GPLD1: variants seen among roughly 807,000 people sequenced by gnomAD.
The protein encoded by GPLD1 is glycosylphosphatidylinositol specific phospholipase D1.
In GPLD1, 84 loss-of-function variants were observed where a neutral mutation model predicts 112.6. The ratio of observed to expected loss-of-function variants is 0.75; its 90% CI spans 0.63 to 0.89. GPLD1 has a LOEUF of 0.89. Ranked by LOEUF, GPLD1 falls within the 40% of genes least tolerant of loss-of-function variation. The pLI is 0.00. For missense variants in GPLD1, 1,044 were observed against 1,051.5 expected, an observed-to-expected ratio of 0.99 and a Z score of 0.10; for synonymous variants, 386 against 403.8, an observed-to-expected ratio of 0.96 and a Z score of 0.53.
At chr6:24,429,795 G>A (rs1228299188) in intron 24 of GPLD1, among the ~76,000 whole-genome samples, 3 of 152,154 alleles carry the variant, frequency 2.0e-5, no homozygotes, top group South Asian at 2.1e-4. Context: ...TGATCCACCC[G>A]CCTCGGCTTC....
rs1177091667 is a variant in GPLD1, at chr6:24,495,155, CCT to C, written n.49_50del. ...GCTGCTACGCTGGGCGCCTGGCGGG[CCT>C]CTCTGCGGCGCTGCTGCGCACCGAC... On this transcript the variant is annotated non_coding_transcript_exon_variant, in exon 1 of 11. Transcript: ENST00000474784. 2.1e-6 allele frequency: 3 copies of C among 1,435,062 alleles called. No individual in the cohort carries two copies. Among genetic ancestry groups the C allele is most frequent in the Non-Finnish European group, 2.7e-6 (3 of 1,100,836 alleles). 88.9% of individuals were successfully genotyped at this position (1,435,062 alleles called of 1,614,324 possible). A position where few individuals can be genotyped will look rare whatever the true frequency, so the allele number is the denominator to read the frequency against.
chr6:24,461,474 T>C (rs770496244), intron 11 of GPLD1, among the ~76,000 whole-genome samples: 1 of 152,246 alleles, frequency 6.6e-6, no homozygotes, highest in Non-Finnish European at 1.5e-5. Context: ...TACTCTACTT[T>C]TGAGTATATC....
rs1314139887 is a variant in GPLD1 at position 24,463,510 on chromosome 6, T to G, written c.822-715A>C. ...GAAAAAGCTGAAGGCAGACTCTTCC[T>G]ACCAAAACATTTCTCTGGCCAGGTT... On this transcript the variant is annotated intron_variant, in intron 10 of 24. Coordinates refer to ENST00000230036, the MANE Select transcript of GPLD1 (RefSeq NM_001503.4). Among the ~76,000 whole-genome samples, 4 of 152,320 alleles carry G rather than the reference T, an allele frequency of 2.6e-5. No individual in the cohort carries two copies. In the South Asian group the frequency reaches 6.2e-4, roughly 24 times the overall value.
chr6:24,474,284 TA>T (rs1438297903), intron 5 of GPLD1, among the ~76,000 whole-genome samples: 7 of 152,138 alleles, frequency 4.6e-5, no homozygotes, highest in East Asian at 3.9e-4. Context: ...AGGATATATA[TA>T]AAAATCTCTG....
In GPLD1 at chr6:24,449,797, T is replaced by C. The variant is rs763410187; in HGVS notation, c.1438A>G (p.Thr480Ala). 1.2e-6 allele frequency: 2 copies of C among 1,606,832 alleles called. No individual in the cohort carries two copies. The highest frequency in any genetic ancestry group is 2.2e-5 in the East Asian group (1 of 44,806). The part of the protein sequence containing the change: ...GAPSVGSEQL[T>A]YKGAVYVYFG... ...TCCAGCAGCAGCCTTACTTTGTAGG[T>C]GAGCTGCTCGGAGCCCACCGAGGGA... The change falls in exon 15 of 25, where the codon ACC becomes GCC. Residue 480 changes from threonine to alanine, a missense_variant. By Grantham distance (58) the Thr-to-Ala change is moderately conservative. Transcript: ENST00000230036.
chr6:24,447,827 G>C, intron 17 of GPLD1, 50 bp downstream of exon 17: 1 of 1,575,990 alleles, frequency 6.3e-7, no homozygotes, highest in Middle Eastern at 2.1e-4. Flanking sequence ...ATAAGTTGTC[G>C]TAGACACACA....
In GPLD1 at chr6:24,446,917, C is replaced by CA. The variant is rs1336229435; in HGVS notation, c.1740dup (p.Gly581TrpfsTer37). 6.2e-7 allele frequency: 1 copy of CA among 1,613,956 alleles called. No individual in the cohort carries two copies. Among genetic ancestry groups the CA allele is most frequent in the Non-Finnish European group, 8.5e-7 (1 of 1,179,930 alleles). On this transcript the variant is annotated frameshift_variant, in exon 18 of 25. Coordinates refer to ENST00000230036, the MANE Select transcript of GPLD1 (RefSeq NM_001503.4). LOFTEE classifies it high-confidence loss of function. The stretch of plus-strand genomic sequence containing the variant: ...ACAGTGACACCGTGAAGGGAATATC[C>CA]AAACCAGGAGAAGTCTTCCTCGCCT...
chr6:24,477,886 T>C (rs1344755743), intron 3 of GPLD1, among the ~76,000 whole-genome samples: 2 of 152,012 alleles, frequency 1.3e-5, no homozygotes, highest in Admixed American at 1.3e-4. Flanking sequence ...TGAGACAAGG[T>C]AAAATGTGGA....
At chr6:24,476,109 C>A in intron 4 of GPLD1, 72 bp downstream of exon 4, 1 of 793,508 alleles carries the variant, frequency 1.3e-6, no homozygotes, top group South Asian at 1.5e-5. Context: ...CAAATGGGGT[C>A]AATGCGGGTG....
chr6:24,455,093 G>C (rs1027905084), intron 13 of GPLD1, among the ~76,000 whole-genome samples: 20 of 152,202 alleles, frequency 1.3e-4, no homozygotes, highest in African/African-American at 4.6e-4. Context: ...CAGAACAAAC[G>C]GCAGAACAAA....
Position 24,441,074 on chromosome 6 carries a change from G to A in GPLD1, c.2021-3785C>T, listed in dbSNP as rs141423278. 5.8e-3 allele frequency among the ~76,000 whole-genome samples: 876 copies of A among 152,174 alleles called. 14 individuals are homozygous for A. Among genetic ancestry groups the A allele is most frequent in the African/African-American group, 0.019 (775 of 41,540 alleles). On this transcript the variant is annotated intron_variant, in intron 20 of 24. Transcript: ENST00000230036. ...TCCCAGCACTGTGGGAGGCCGAGGC[G>A]GGCGGATCACCTGACATCGGGAGTT...
chr6:24,486,540 C>G (rs1764382239), intron 1 of GPLD1, among the ~76,000 whole-genome samples: 1 of 152,024 alleles, frequency 6.6e-6, no homozygotes, highest in Non-Finnish European at 1.5e-5. Context: ...TGCCAGACCA[C>G]ACATGGTGGC....
At chr6:24,483,377 T>C (rs377478256) in intron 2 of GPLD1, among the ~76,000 whole-genome samples, 3 of 147,018 alleles carry the variant, frequency 2.0e-5, no homozygotes, top group African/African-American at 7.5e-5. Flanking sequence ...ACCAGTGAAA[T>C]AGAATAAAGA....
chr6:24,495,070 G>A (rs1457708018), exon 1 of GPLD1: 1 of 1,328,546 alleles, frequency 7.5e-7, no homozygotes. Flanking sequence ...TGCCGCCTCC[G>A]CCCCCGCGCC....
At chr6:24,487,397 A>T (rs1764413993) in intron 1 of GPLD1, among the ~76,000 whole-genome samples, 1 of 152,200 alleles carries the variant, frequency 6.6e-6, no homozygotes, top group Admixed American at 6.6e-5. Context: ...CTATTTCAGG[A>T]GATGCCTTCA....
chr6:24,478,045 C>CAATTGGTGATTACTTTACA (rs1420119223), intron 3 of GPLD1, among the ~76,000 whole-genome samples: 1 of 152,166 alleles, frequency 6.6e-6, no homozygotes, highest in Admixed American at 6.5e-5. Context: ...CTTTACATTC[C>CAATTGGTGATTACTTTACA]TTTTCCACTC....
chr6:24,453,088 G>T (rs983316814), intron 14 of GPLD1, among the ~76,000 whole-genome samples: 3 of 152,022 alleles, frequency 2.0e-5, no homozygotes, highest in African/African-American at 4.8e-5. Flanking sequence ...TAGCGCTCTC[G>T]GGAGGAATTA....
intron 24 of GPLD1, among the ~76,000 whole-genome samples, chr6:24,431,739 T>C: frequency 6.6e-6 from 1 of 152,024 alleles, no homozygotes; most frequent in Non-Finnish European, 1.5e-5. Flanking sequence ...TTCACCATGT[T>C]GACCAGGCTG....
At chr6:24,487,068 C>T (rs752653455) in intron 1 of GPLD1, among the ~76,000 whole-genome samples, 2 of 152,108 alleles carry the variant, frequency 1.3e-5, no homozygotes, top group East Asian at 3.9e-4. Context: ...AAAGGTGATA[C>T]CTTATTTCTG....
Sources: allele counts gnomAD v4.1 joint callset (sites outside exome capture counted in the v4.1 genomes callset), GRCh38; gene constraint gnomAD v4.1.1; transcripts MANE v1.5; gene names NCBI Gene and HGNC (gene_info 2026-07-23, HGNC 2026-07-21).